The following OR2Z1 variants were observed in gnomAD, a reference collection of about 807,000 sequenced individuals.
The protein encoded by OR2Z1 is olfactory receptor 2Z1.
For synonymous variants in OR2Z1, 188 were observed against 160.6 expected (o/e 1.17, Z -1.29); for missense variants, 449 against 401.8 (o/e 1.12, Z -1.00).
chr19:8,730,967 C>A lies in OR2Z1; in HGVS notation c.-62C>A. On this transcript the variant is annotated 5_prime_UTR_variant, in exon 3 of 3. Transcript: ENST00000641125. Reference sequence around the variant, plus strand: ...GTGAGATGAAAATTATTTGCCACCCCATGCAGGCTTCTTGCCATAGTTCAG... The same window carrying A: ...GTGAGATGAAAATTATTTGCCACCCAATGCAGGCTTCTTGCCATAGTTCAG... The A allele has an allele frequency of 7.4e-7, 1 of 1,346,894 alleles. No homozygotes were observed. Among genetic ancestry groups the A allele is most frequent in the South Asian group, 1.3e-5 (1 of 77,820 alleles). 83.4% of individuals were successfully genotyped at this position (1,346,894 alleles called of 1,614,324 possible).
chr19:8,729,277 C>G (rs1440063516), intron 2 of OR2Z1: 4 of 576,060 alleles, frequency 6.9e-6, no homozygotes, highest in African/African-American at 5.7e-5. Flanking sequence ...CTGCTGTTCC[C>G]CTATTTATAT....
intron 2 of OR2Z1, among the ~76,000 whole-genome samples, chr19:8,726,007 C>T (rs1176036831): frequency 2.0e-5 from 3 of 151,956 alleles, no homozygotes; most frequent in Non-Finnish European, 4.4e-5. Context: ...CACTCTGTGC[C>T]CAGGCTGGAA....
Position 8,731,175 on chromosome 19 carries a change from C to G in OR2Z1, c.147C>G (p.Ile49Met). The stretch of plus-strand genomic sequence containing the variant: ...GCAACACCGTTCTTCTCTTCTTGAT[C>G]CGTGTGGACTCCCGGCTCCACACAC... ...LLGNTVLLFL[I>M]RVDSRLHTPM... Residue 49 changes from isoleucine to methionine, a missense_variant, in exon 3 of 3, where the codon ATC (isoleucine) becomes ATG (methionine). By Grantham distance (10) the Ile-to-Met change is conservative (BLOSUM62 1). Coordinates refer to ENST00000641125, the MANE Select transcript of OR2Z1 (RefSeq NM_001004699.3). 1 of 1,613,986 alleles carries G rather than the reference C, an allele frequency of 6.2e-7. No individual in the cohort carries two copies. Among genetic ancestry groups the G allele is most frequent in the South Asian group, 1.1e-5 (1 of 91,068 alleles).
In OR2Z1 at chr19:8,731,543, G is replaced by A; in HGVS notation, c.515G>A (p.Arg172His). 3.1e-6 allele frequency: 5 copies of A among 1,614,012 alleles called. No individual in the cohort carries two copies. The highest frequency in any genetic ancestry group is 4.2e-6 in the Non-Finnish European group (5 of 1,180,008). Residue 172 changes from arginine to histidine, a missense_variant, in exon 3 of 3, where the codon CGT (arginine) becomes CAT (histidine). Physicochemically the swap from Arg to His is conservative, Grantham distance 29. Coordinates refer to ENST00000641125, the MANE Select transcript of OR2Z1 (RefSeq NM_001004699.3). ...CTGCATTTTCCCTACTGTGCCTCCC[G>A]TATTGTGGATCACTTCTTCTGTGAG... Reference protein sequence around the residue: ...ITLHFPYCASRIVDHFFCEVP... With the variant: ...ITLHFPYCASHIVDHFFCEVP...
At chr19:8,727,856 GA>G (rs1263977280) in intron 2 of OR2Z1, among the ~76,000 whole-genome samples, 1 of 152,230 alleles carries the variant, frequency 6.6e-6, no homozygotes, top group Non-Finnish European at 1.5e-5. Flanking sequence ...CACAGAGCAA[GA>G]CTCTGTCTCA....
rs548219960 is a variant in OR2Z1 at position 8,722,128 on chromosome 19, A to G, written c.-215+86A>G. On this transcript the variant is annotated intron_variant, in intron 1 of 2. Coordinates refer to ENST00000641125, the MANE Select transcript of OR2Z1 (RefSeq NM_001004699.3). ...TTCCCTTGCAGGACGTATTCATTTA[A>G]CAACTATTTACTGAGCAGGCTCTGC... The G allele has an allele frequency of 7.9e-5, 12 of 152,296 alleles. No individual in the cohort carries two copies. The South Asian group carries it at 2.5e-3, about 32-fold the overall frequency. The allele number at this position is 152,296 out of a possible 1,614,324, so 9.4% of individuals were successfully genotyped here. A position where few individuals can be genotyped will look rare whatever the true frequency, so the allele number is the denominator to read the frequency against.
At position 8,731,796 on chromosome 19, in the gene OR2Z1, G is replaced by C. The variant is rs1555756845; in HGVS notation, c.768G>C (p.Val256=). The C allele has an allele frequency of 6.2e-7, 1 of 1,614,240 alleles. No individual in the cohort carries two copies. The highest frequency in any genetic ancestry group is 8.5e-7 in the Non-Finnish European group (1 of 1,180,052). Residue 256 remains valine, a synonymous_variant, in exon 3 of 3, where the codon GTG becomes GTC. Coordinates refer to ENST00000641125, the MANE Select transcript of OR2Z1 (RefSeq NM_001004699.3). ...TGGGGCTCTTTTATGGTGCCGCCGT[G>C]TTCATGTACATGGTGCCTTGCGCCT... ...TVVGLFYGAA[V]FMYMVPCAYH... is the part of the protein sequence containing the mutation.
At position 8,731,414 on chromosome 19, in the gene OR2Z1, C is replaced by T. The variant is rs2043354257; in HGVS notation, c.386C>T (p.Pro129Leu). The T allele has an allele frequency of 6.2e-7, 1 of 1,614,002 alleles. No individual in the cohort carries two copies. The highest frequency in any genetic ancestry group is 8.5e-7 in the Non-Finnish European group (1 of 1,179,992). Residue 129 changes from proline (P) to leucine (L), a missense_variant, in exon 3 of 3, where the codon CCC (proline) becomes CTC (leucine). By Grantham distance (98) the Pro-to-Leu change is moderately conservative. Transcript: ENST00000641125. Reference sequence around the variant, plus strand: ...GACCGTTATGTTGCTGTGTGCCAGCCCCTGCAGTATCCTGTACTTATGAGA... The same window carrying T: ...GACCGTTATGTTGCTGTGTGCCAGCTCCTGCAGTATCCTGTACTTATGAGA... ...SYDRYVAVCQPLQYPVLMRRQ... is the reference protein window; with the variant it reads ...SYDRYVAVCQLLQYPVLMRRQ...
intron 2 of OR2Z1, among the ~76,000 whole-genome samples, chr19:8,725,335 TG>T (rs1462275152): frequency 2.6e-5 from 4 of 152,116 alleles, no homozygotes; most frequent in Non-Finnish European, 5.9e-5. Flanking sequence ...CTCTGCCTCC[TG>T]GGTTTAAGCA....
At position 8,722,546 on chromosome 19, in the gene OR2Z1, G is replaced by A. The variant is rs577056370; in HGVS notation, c.-215+504G>A. The stretch of plus-strand genomic sequence containing the variant: ...AACCACAACTTTAAAACTTTTCAAA[G>A]GGACTCTCCTCCCACCCAAAGAAGG... On this transcript the variant is annotated intron_variant, in intron 1 of 2. Transcript: ENST00000641125. 4.6e-5 allele frequency among the ~76,000 whole-genome samples: 7 copies of A among 152,286 alleles called. No individual in the cohort carries two copies. The South Asian group carries it at 1.5e-3, about 32-fold the overall frequency.
In OR2Z1 at chr19:8,730,841, T is replaced by C. The variant is rs1438921392; in HGVS notation, c.-169-19T>C. 3.3e-6 allele frequency: 2 copies of C among 605,204 alleles called. No individual in the cohort carries two copies. Among genetic ancestry groups the C allele is most frequent in the Non-Finnish European group, 5.8e-6 (2 of 342,050 alleles). 37.5% of individuals were successfully genotyped at this position (605,204 alleles called of 1,614,324 possible). On this transcript the variant is annotated intron_variant, in intron 2 of 2. Coordinates refer to ENST00000641125, the MANE Select transcript of OR2Z1 (RefSeq NM_001004699.3). ...CATGCCTTGGATAGACACTAACTGATTAAGTTTTCTCCCTCCAGCCTACTG... is the reference window on the plus strand; with the variant it reads ...CATGCCTTGGATAGACACTAACTGACTAAGTTTTCTCCCTCCAGCCTACTG...
Position 8,730,854 on chromosome 19 carries a change from CT to C in OR2Z1, c.-169-5del. 3.3e-6 allele frequency: 2 copies of C among 611,328 alleles called. No homozygotes were observed. Among genetic ancestry groups the C allele is most frequent in the Non-Finnish European group, 5.8e-6 (2 of 345,876 alleles). 37.9% of individuals were successfully genotyped at this position (611,328 alleles called of 1,614,324 possible). A position where few individuals can be genotyped will look rare whatever the true frequency, so the allele number is the denominator to read the frequency against. ...GACACTAACTGATTAAGTTTTCTCC[CT>C]CCAGCCTACTGATTCTAGCTGCAGC... On this transcript the variant is annotated splice_region_variant and splice_polypyrimidine_tract_variant and intron_variant, in intron 2 of 2. Coordinates refer to ENST00000641125, the MANE Select transcript of OR2Z1 (RefSeq NM_001004699.3).
chr19:8,727,673 C>A (rs759471447), intron 2 of OR2Z1, among the ~76,000 whole-genome samples: 3 of 152,206 alleles, frequency 2.0e-5, no homozygotes, highest in Non-Finnish European at 4.4e-5. Context: ...TTGAGACCAG[C>A]CTGGCCAACA....
intron 2 of OR2Z1, among the ~76,000 whole-genome samples, chr19:8,726,012 C>T (rs2043325846): frequency 6.6e-6 from 1 of 152,000 alleles, no homozygotes; most frequent in Admixed American, 6.6e-5. Context: ...TGTGCCCAGG[C>T]TGGAATGCAG....
chr19:8,731,926 G>C lies in OR2Z1; in HGVS notation c.898G>C (p.Ala300Pro). The C allele has an allele frequency of 6.2e-7, 1 of 1,614,172 alleles. No individual in the cohort carries two copies. The highest frequency in any genetic ancestry group is 8.5e-7 in the Non-Finnish European group (1 of 1,180,030). ...TCTGAGGAATCCGGAGGTGTGGATG[G>C]CTTTGGTCAAAGTGCTTAGCAGAGC... ...YSLRNPEVWM[A>P]LVKVLSRAGL... is the part of the protein sequence containing the mutation. Residue 300 changes from alanine to proline, a missense_variant, in exon 3 of 3, where the codon GCT (alanine) becomes CCT (proline). By Grantham distance (27) the Ala-to-Pro change is conservative (BLOSUM62 -1). Coordinates refer to ENST00000641125, the MANE Select transcript of OR2Z1 (RefSeq NM_001004699.3).
intron 2 of OR2Z1, among the ~76,000 whole-genome samples, chr19:8,723,939 T>A (rs549986748): frequency 6.8e-6 from 1 of 147,642 alleles, no homozygotes; most frequent in Non-Finnish European, 1.5e-5. Flanking sequence ...TAGCCAGAAA[T>A]CATAACTTAG....
chr19:8,726,900 T>A (rs1555756244), intron 2 of OR2Z1, among the ~76,000 whole-genome samples: 1 of 152,174 alleles, frequency 6.6e-6, no homozygotes, highest in Non-Finnish European at 1.5e-5. Context: ...TTTTTTCTTT[T>A]TTTTTAAATT....
intron 1 of OR2Z1, 52 bp downstream of exon 1, chr19:8,722,094 A>T (rs1395479353): frequency 6.6e-6 from 1 of 152,200 alleles, no homozygotes; most frequent in Non-Finnish European, 1.5e-5. Context: ...TAGTTCCAAC[A>T]ATCATTATTT....
Position 8,731,649 on chromosome 19 carries a change from A to C in OR2Z1, c.621A>C (p.Leu207=). 1 of 1,613,602 alleles carries C rather than the reference A, an allele frequency of 6.2e-7. No individual in the cohort carries two copies. The highest frequency in any genetic ancestry group is 1.7e-5 in the Admixed American group (1 of 59,894). The change falls in exon 3 of 3, where the codon CTA becomes CTC. Residue 207 remains leucine, a synonymous_variant. Transcript: ENST00000641125. ...MALSTSGVLI[L]MLPLSLIATS... is the part of the protein sequence containing the mutation. ...TGTCCACCTCAGGGGTGCTGATCCT[A>C]ATGCTCCCTCTTTCCCTCATCGCCA... is the stretch of plus-strand genomic sequence containing the variant.
Sources: allele counts gnomAD v4.1 joint callset (sites outside exome capture counted in the v4.1 genomes callset), GRCh38; gene constraint gnomAD v4.1.1; transcripts MANE v1.5; gene names NCBI Gene and HGNC (gene_info 2026-07-23, HGNC 2026-07-21).